The following UBN2 variants were observed in gnomAD, a reference collection of about 807,000 sequenced individuals.
UBN2 encodes the protein ubinuclein 2.
In UBN2, 35 loss-of-function variants were observed where a neutral mutation model predicts 120.2. The ratio of observed to expected loss-of-function variants is 0.29; its 90% CI spans 0.22 to 0.39. The LOEUF (loss-of-function observed/expected upper bound fraction) is 0.39, where lower values mean the gene tolerates loss of function less well. Ranked by LOEUF, UBN2 falls within the 10% of genes least tolerant of loss-of-function variation. UBN2 has a pLI of 1.00. For missense variants in UBN2, 1,693 were observed against 1,663.2 expected (o/e 1.02, Z -0.31); for synonymous variants, 661 against 648.7 (o/e 1.02, Z -0.29).
chr7:139,292,630 G>A (rs1175024486), intron 15 of UBN2, among the ~76,000 whole-genome samples: 1 of 152,130 alleles, frequency 6.6e-6, no homozygotes, highest in Non-Finnish European at 1.5e-5. Context: ...TAACAGTGTG[G>A]TTATAAAAAA....
intron 6 of UBN2, among the ~76,000 whole-genome samples, chr7:139,263,509 C>G (rs1485901372): frequency 1.3e-5 from 2 of 152,138 alleles, no homozygotes; most frequent in Admixed American, 6.5e-5. Flanking sequence ...CACAGTGGCT[C>G]ACACCTGTAA....
the UBN2 span, among the ~76,000 whole-genome samples, chr7:139,314,107 C>T: frequency 6.6e-6 from 1 of 151,300 alleles, no homozygotes; most frequent in Non-Finnish European, 1.5e-5. Flanking sequence ...CTCAGCCTCC[C>T]AAAGTGCTGG....
chr7:139,294,553 T>C (rs1232857051), intron 17 of UBN2, among the ~76,000 whole-genome samples: 2 of 152,210 alleles, frequency 1.3e-5, no homozygotes, highest in African/African-American at 2.4e-5. Context: ...GAAATTAATA[T>C]GATCCTGCCA....
intron 17 of UBN2, 37 bp from the exon 18 acceptor site, chr7:139,297,750 T>C (rs1297898580): frequency 1.2e-6 from 2 of 1,606,734 alleles, no homozygotes; most frequent in Non-Finnish European, 1.7e-6. Flanking sequence ...TTTTGTAACA[T>C]ATGGACCCAT....
intron 5 of UBN2, 67 bp downstream of exon 5, chr7:139,259,437 T>C (rs1269932218): frequency 1.9e-6 from 3 of 1,577,188 alleles, no homozygotes; most frequent in Non-Finnish European, 2.6e-6. Context: ...TTTAGAAAGA[T>C]ATACTTACCA....
In UBN2 at chr7:139,297,887, CCTGATGG is replaced by C. The variant is rs1270091598; in HGVS notation, c.*52_*58del. 3 of 1,593,196 alleles carry C rather than the reference CCTGATGG, an allele frequency of 1.9e-6. No homozygotes were observed. On this transcript the variant is annotated 3_prime_UTR_variant, in exon 18 of 18. Coordinates refer to ENST00000473989, the MANE Select transcript of UBN2 (RefSeq NM_173569.4). ...ATGTTTAGTTGACTGATGGAATCTA[CCTGATGG>C]GAAAGTACTTATGTGGTCATAGGGC...
At chr7:139,289,895 A>G (rs867092855) in intron 15 of UBN2, among the ~76,000 whole-genome samples, 5 of 150,454 alleles carry the variant, frequency 3.3e-5, no homozygotes, top group African/African-American at 1.2e-4. Context: ...ACTCTGGTTA[A>G]ATTTTTTTTT....
At chr7:139,278,852 T>TC (rs781741042) in intron 12 of UBN2, among the ~76,000 whole-genome samples, 1 of 152,150 alleles carries the variant, frequency 6.6e-6, no homozygotes, top group Non-Finnish European at 1.5e-5. Context: ...TCCAAAAGTT[T>TC]CAAGATTCCA....
chr7:139,295,843 C>T (rs1213675838), intron 17 of UBN2, among the ~76,000 whole-genome samples: 2 of 152,180 alleles, frequency 1.3e-5, no homozygotes, highest in Non-Finnish European at 2.9e-5. Flanking sequence ...ATCACCTACA[C>T]CTGGGAGGTT....
chr7:139,248,341 A>T (rs553039244), intron 2 of UBN2, among the ~76,000 whole-genome samples: 18 of 152,166 alleles, frequency 1.2e-4, no homozygotes, highest in Non-Finnish European at 2.2e-4. Context: ...CTCATGGCAG[A>T]TGCTTTCAGA....
rs746728413 is a variant in UBN2, at chr7:139,283,915, G to A, written c.3010G>A (p.Val1004Ile). 6.2e-7 allele frequency: 1 copy of A among 1,613,942 alleles called. No homozygotes were observed. The highest frequency in any genetic ancestry group is 8.5e-7 in the Non-Finnish European group (1 of 1,180,018). The change falls in exon 15 of 18, where the codon GTA becomes ATA. Residue 1004 changes from valine (V) to isoleucine (I), a missense_variant. Val to Ile is a conservative substitution (Grantham distance 29). Transcript: ENST00000473989. Reference sequence around the variant, plus strand: ...GTCCCACCCCCTGGTTTCTAGGACAGTACCTAGCACCACTACCTCCAGTAA... The same window carrying A: ...GTCCCACCCCCTGGTTTCTAGGACAATACCTAGCACCACTACCTCCAGTAA... ...QGSHPLVSRT[V>I]PSTTTSSNYL...
intron 15 of UBN2, among the ~76,000 whole-genome samples, chr7:139,287,901 C>T (rs889313267): frequency 1.3e-5 from 2 of 152,182 alleles, no homozygotes; most frequent in Admixed American, 6.5e-5. Flanking sequence ...TGAAAGGCAT[C>T]TGTGGGTGTC....
rs1797343305 is a variant in UBN2, at chr7:139,273,285, T to C, written c.1716-12T>C. On this transcript the variant is annotated splice_polypyrimidine_tract_variant and intron_variant, in intron 9 of 17. Coordinates refer to ENST00000473989, the MANE Select transcript of UBN2 (RefSeq NM_173569.4). ...TTAAAAGTTTGTTTTGTAAAGTGTT[T>C]TTCATTTTTAGATTGCAGACAGATG... 2.5e-6 allele frequency: 4 copies of C among 1,585,542 alleles called. No individual in the cohort carries two copies. In the South Asian group the frequency reaches 4.6e-5, roughly 18 times the overall value.
chr7:139,319,571 C>T, the UBN2 span, among the ~76,000 whole-genome samples: 6 of 152,130 alleles, frequency 3.9e-5, no homozygotes, highest in South Asian at 1.2e-3. Flanking sequence ...GCCTGGGCAA[C>T]ATAGCAGACA....
Position 139,266,351 on chromosome 7 carries a change from G to A in UBN2, c.1414G>A (p.Glu472Lys). Residue 472 changes from glutamate to lysine, a missense_variant, in exon 7 of 18, where the codon GAA becomes AAA. Around this residue, in one of 5 missense-constraint regions of UBN2, gnomAD observed 178 missense variants for 204.0 expected, o/e 0.87. Transcript: ENST00000473989. ...DLRVAAKLFD[E>K]EGRKKFFTQD... ...TCTTTAGGCTGCCAAACTTTTTGATGAAGAAGGAAGGAAAAAATTCTTTAC... is the reference window on the plus strand; with the variant it reads ...TCTTTAGGCTGCCAAACTTTTTGATAAAGAAGGAAGGAAAAAATTCTTTAC... 1 of 1,577,618 alleles carries A rather than the reference G, an allele frequency of 6.3e-7. No homozygotes were observed. Among genetic ancestry groups the A allele is most frequent in the Admixed American group, 1.7e-5 (1 of 57,706 alleles).
intron 15 of UBN2, among the ~76,000 whole-genome samples, chr7:139,285,395 ATTTC>A (rs1439817265): frequency 6.6e-6 from 1 of 152,164 alleles, no homozygotes; most frequent in African/African-American, 2.4e-5. Context: ...ACACCTGATA[ATTTC>A]TTTCTGTGCT....
chr7:139,321,822 G>T, the UBN2 span, among the ~76,000 whole-genome samples: 1 of 152,164 alleles, frequency 6.6e-6, no homozygotes, highest in Non-Finnish European at 1.5e-5. Flanking sequence ...GCAGGCCAGG[G>T]ACAGCAGCCA....
the UBN2 span, among the ~76,000 whole-genome samples, chr7:139,321,367 C>T: frequency 1.3e-5 from 2 of 152,220 alleles, no homozygotes; most frequent in Non-Finnish European, 2.9e-5. Context: ...AATAAGGGAG[C>T]ACTTCAAGAG....
chr7:139,238,580 T>C (rs1796225765), intron 2 of UBN2, among the ~76,000 whole-genome samples: 1 of 152,142 alleles, frequency 6.6e-6, no homozygotes, highest in African/African-American at 2.4e-5. Flanking sequence ...TGCACCACCA[T>C]GCCTGGCTAA....
Sources: allele counts gnomAD v4.1 joint callset (sites outside exome capture counted in the v4.1 genomes callset), GRCh38; gene constraint gnomAD v4.1.1; regional missense constraint gnomAD v4.1.1; transcripts MANE v1.5; gene names NCBI Gene and HGNC (gene_info 2026-07-23, HGNC 2026-07-21).